Variants in PPP1R16B observed in about 807,000 individuals in gnomAD.
PPP1R16B encodes protein phosphatase 1 regulatory subunit 16B.
In PPP1R16B, 14 loss-of-function variants were observed where a neutral mutation model predicts 61.7. That is an observed-to-expected ratio of 0.23 (90% confidence interval 0.15 to 0.35). The LOEUF (loss-of-function observed/expected upper bound fraction) is 0.35, where lower values mean the gene tolerates loss of function less well. Ranked by LOEUF, PPP1R16B falls within the 10% of genes least tolerant of loss-of-function variation. The pLI is 1.00. For missense variants in PPP1R16B, 547 were observed against 752.5 expected (o/e 0.73, Z 3.19); for synonymous variants, 266 against 305.3 (o/e 0.87, Z 1.34).
intron 2 of PPP1R16B, among the ~76,000 whole-genome samples, chr20:38,886,055 C>A (rs2085242655): frequency 6.6e-6 from 1 of 152,202 alleles, no homozygotes; most frequent in Non-Finnish European, 1.5e-5. Context: ...GAATTACAGG[C>A]ATGAGCCACC....
chr20:38,826,140 T>C (rs966416821), intron 1 of PPP1R16B, among the ~76,000 whole-genome samples: 1 of 152,186 alleles, frequency 6.6e-6, no homozygotes, highest in Non-Finnish European at 1.5e-5. Flanking sequence ...GTGTGTTCGG[T>C]AGCCACAGGT....
Position 38,895,548 on chromosome 20 carries a change from CTG to C in PPP1R16B, c.322-11_322-10del. On this transcript the variant is annotated splice_polypyrimidine_tract_variant and intron_variant, in intron 3 of 10. Coordinates refer to ENST00000299824, the MANE Select transcript of PPP1R16B (RefSeq NM_015568.4). ...GTGCCCTGCCTGGAGCTGACTCTGC[CTG>C]TGTGTCTCTCCCAGTGCTGCATCGA... The C allele has an allele frequency of 1.2e-6, 2 of 1,612,660 alleles. No individual in the cohort carries two copies. The highest frequency in any genetic ancestry group is 1.6e-4 in the Middle Eastern group (1 of 6,062).
intron 2 of PPP1R16B, among the ~76,000 whole-genome samples, chr20:38,874,961 C>T (rs1221073688): frequency 2.0e-5 from 3 of 152,202 alleles, no homozygotes; most frequent in Non-Finnish European, 4.4e-5. Context: ...ACATGCTAGA[C>T]TCAGGGCTGG....
In PPP1R16B at chr20:38,865,509, C is replaced by G. The variant is rs62202532; in HGVS notation, c.251-24086C>G. The stretch of plus-strand genomic sequence containing the variant: ...GTTTCACCGTGTTAGCCAGGATGGT[C>G]TCGATCTCCTGACCTTTGTGATCCG... On this transcript the variant is annotated intron_variant, in intron 2 of 10. Coordinates refer to ENST00000299824, the MANE Select transcript of PPP1R16B (RefSeq NM_015568.4). Among the ~76,000 whole-genome samples the G allele has an allele frequency of 6.0e-3, 919 of 152,152 alleles. 4 individuals are homozygous for G. Among genetic ancestry groups the G allele is most frequent in the African/African-American group, 0.021 (869 of 41,552 alleles).
At chr20:38,903,701 C>G (rs2085417091) in intron 6 of PPP1R16B, among the ~76,000 whole-genome samples, 1 of 152,196 alleles carries the variant, frequency 6.6e-6, no homozygotes, top group Non-Finnish European at 1.5e-5. Flanking sequence ...ACCCTGGAGA[C>G]AGAGAACAAT....
intron 1 of PPP1R16B, among the ~76,000 whole-genome samples, chr20:38,807,259 C>T (rs2084668659): frequency 6.6e-6 from 1 of 152,200 alleles, no homozygotes; most frequent in Non-Finnish European, 1.5e-5. Flanking sequence ...GCCCAGCCAG[C>T]GACTAGCTGT....
intron 2 of PPP1R16B, among the ~76,000 whole-genome samples, chr20:38,878,155 C>T (rs531641848): frequency 4.6e-5 from 7 of 151,984 alleles, no homozygotes; most frequent in East Asian, 1.9e-4. Flanking sequence ...TCTTTTCCAT[C>T]GATAATATGG....
At chr20:38,844,420 G>T (rs1463027482) in intron 2 of PPP1R16B, among the ~76,000 whole-genome samples, 2 of 152,224 alleles carry the variant, frequency 1.3e-5, no homozygotes, top group African/African-American at 4.8e-5. Context: ...AAATACTCAA[G>T]TCTGAATAAC....
chr20:38,855,341 T>A (rs181354826), intron 2 of PPP1R16B, among the ~76,000 whole-genome samples: 80 of 151,548 alleles, frequency 5.3e-4, no homozygotes, highest in African/African-American at 1.7e-3. Flanking sequence ...ATTAATACAA[T>A]CTGTTCCCTT....
At chr20:38,851,400 G>T (rs1056783563) in intron 2 of PPP1R16B, among the ~76,000 whole-genome samples, 1 of 152,004 alleles carries the variant, frequency 6.6e-6, no homozygotes, top group African/African-American at 2.4e-5. Context: ...AGGAGGTGGA[G>T]GTTGCAGTGA....
In PPP1R16B at chr20:38,806,045, C is replaced by T. The variant is rs1223785005; in HGVS notation, c.-102+253C>T. The stretch of plus-strand genomic sequence containing the variant: ...CCGGCCTCGCAATTCCTTGACGAGG[C>T]CAGGGGAGGGGGCGCATTGGCAGGT... On this transcript the variant is annotated intron_variant, in intron 1 of 10. Coordinates refer to ENST00000299824, the MANE Select transcript of PPP1R16B (RefSeq NM_015568.4). The surrounding 1 kb of genome is among the most constrained non-coding windows in gnomAD (Gnocchi z 4.5). 1.3e-5 allele frequency among the ~76,000 whole-genome samples: 2 copies of T among 151,098 alleles called. No homozygotes were observed. The highest frequency in any genetic ancestry group is 4.9e-5 in the African/African-American group (2 of 41,008).
At position 38,895,639 on chromosome 20, in the gene PPP1R16B, C is replaced by T. The variant is rs773155575; in HGVS notation, c.396C>T (p.Asn132=). ...SHGANVNAKD[N]ELWTPLHAAA... The stretch of plus-strand genomic sequence containing the variant: ...GTGCCAATGTGAACGCCAAGGACAA[C>T]GAGCTGTGGACACCTCTCCATGCTG... Residue 132 remains asparagine, a synonymous_variant, in exon 4 of 11, where the codon AAC becomes AAT. Coordinates refer to ENST00000299824, the MANE Select transcript of PPP1R16B (RefSeq NM_015568.4). 4.6e-5 allele frequency: 75 copies of T among 1,613,886 alleles called. No homozygotes were observed. Among genetic ancestry groups the T allele is most frequent in the East Asian group, 4.2e-4 (19 of 44,890 alleles).
chr20:38,918,341 C>T lies in PPP1R16B; in HGVS notation c.1379C>T (p.Pro460Leu). Residue 460 changes from proline to leucine, a missense_variant, in exon 11 of 11, where the codon CCT becomes CTT. Transcript: ENST00000299824. The surrounding 1 kb of genome is among the most constrained non-coding windows in gnomAD (Gnocchi z 5.3). ...GACTACAGCATGGCCTATGGCAACC[C>T]TGGCGTGGCCGACGCCACCCCGCCC... ...VPDYSMAYGNPGVADATPPWS... is the reference protein window; with the variant it reads ...VPDYSMAYGNLGVADATPPWS... 6.2e-7 allele frequency: 1 copy of T among 1,614,210 alleles called. No homozygotes were observed. The highest frequency in any genetic ancestry group is 8.5e-7 in the Non-Finnish European group (1 of 1,180,044).
Position 38,918,395 on chromosome 20 carries a change from A to G in PPP1R16B, c.1433A>G (p.Gln478Arg). ...AGCAGCTACAAGGAACAGAGCCCTC[A>G]GACGCTTCTGGAGCTGAAGCGGCAG... ...PWSSYKEQSP[Q>R]TLLELKRQRA... Residue 478 changes from glutamine (Q) to arginine (R), a missense_variant, in exon 11 of 11, where the codon CAG becomes CGG. Gln to Arg is a conservative substitution (Grantham distance 43). Coordinates refer to ENST00000299824, the MANE Select transcript of PPP1R16B (RefSeq NM_015568.4). The surrounding 1 kb of genome is among the most constrained non-coding windows in gnomAD (Gnocchi z 5.3). The G allele has an allele frequency of 1.9e-6, 3 of 1,614,120 alleles. No homozygotes were observed. Among genetic ancestry groups the G allele is most frequent in the Non-Finnish European group, 2.5e-6 (3 of 1,180,016 alleles).
At chr20:38,882,625 A>T (rs2085211021) in intron 2 of PPP1R16B, among the ~76,000 whole-genome samples, 1 of 152,140 alleles carries the variant, frequency 6.6e-6, no homozygotes. Context: ...TGTCTGTGGG[A>T]CTACACTGAC....
At position 38,918,489 on chromosome 20, in the gene PPP1R16B, G is replaced by A. The variant is rs775993932; in HGVS notation, c.1527G>A (p.Thr509=). ...ACCTGGGCAGCAGCATGGCCAGGACGGGCGAGAGTAGCAGTGAAGGCAAGG... is the reference window on the plus strand; with the variant it reads ...ACCTGGGCAGCAGCATGGCCAGGACAGGCGAGAGTAGCAGTGAAGGCAAGG... The part of the protein sequence containing the change: ...STHLGSSMAR[T]GESSSEGKAP... The change falls in exon 11 of 11, where the codon ACG becomes ACA. Residue 509 remains threonine, a synonymous_variant. Transcript: ENST00000299824. The surrounding 1 kb of genome is among the most constrained non-coding windows in gnomAD (Gnocchi z 5.3). 10 of 1,610,738 alleles carry A rather than the reference G, an allele frequency of 6.2e-6. No homozygotes were observed. The highest frequency in any genetic ancestry group is 1.3e-5 in the African/African-American group (1 of 74,852).
At chr20:38,881,227 C>T (rs1347087311) in intron 2 of PPP1R16B, among the ~76,000 whole-genome samples, 4 of 152,326 alleles carry the variant, frequency 2.6e-5, no homozygotes, top group East Asian at 3.9e-4. Context: ...TCCAGGCAGC[C>T]GGGCTTCCCT....
chr20:38,806,450 C>T lies in PPP1R16B; in HGVS notation c.-102+658C>T, dbSNP rs1220456965. On this transcript the variant is annotated intron_variant, in intron 1 of 10. Coordinates refer to ENST00000299824, the MANE Select transcript of PPP1R16B (RefSeq NM_015568.4). The surrounding 1 kb of genome is among the most constrained non-coding windows in gnomAD (Gnocchi z 4.5). ...GGCGCGCCCGGCCTCTCCCAGGGCC[C>T]CGTGCGCCGGCGGCTGGGTCCCCCG... 6.6e-6 allele frequency among the ~76,000 whole-genome samples: 1 copy of T among 152,112 alleles called. No homozygotes were observed. The highest frequency in any genetic ancestry group is 1.5e-5 in the Non-Finnish European group (1 of 67,990).
At position 38,907,700 on chromosome 20, in the gene PPP1R16B, T is replaced by C; in HGVS notation, c.899-106T>C. The C allele has an allele frequency of 3.5e-6, 5 of 1,429,036 alleles. No homozygotes were observed. The highest frequency in any genetic ancestry group is 1.3e-5 in the South Asian group (1 of 76,898). The allele number at this position is 1,429,036 out of a possible 1,614,324, so 88.5% of individuals were successfully genotyped here. ...CCTCCCTGCATGCCCTGAAAGATGC[T>C]TGGAGTTTTCAGTGGGTTGGGGTGG... On this transcript the variant is annotated intron_variant, in intron 8 of 10. Transcript: ENST00000299824. The surrounding 1 kb of genome is among the most constrained non-coding windows in gnomAD (Gnocchi z 4.5).
Sources: gnomAD v4.1 joint callset for allele counts (sites outside exome capture counted in the v4.1 genomes callset) on GRCh38, gnomAD v4.1.1 for gene constraint, Gnocchi (gnomAD v3.1) non-coding constraint, MANE v1.5 for transcripts, NCBI Gene and HGNC (gene_info 2026-07-23, HGNC 2026-07-21) for gene names.